Variants in CACNA1I observed in about 807,000 individuals in gnomAD.
The protein encoded by CACNA1I is voltage-dependent T-type calcium channel subunit alpha-1I.
Under a neutral mutation model 201.6 loss-of-function variants are expected in CACNA1I, and 74 were observed. That is an observed-to-expected ratio of 0.37 (90% confidence interval 0.30 to 0.45). CACNA1I has a LOEUF of 0.45. CACNA1I is among the 20% of genes least tolerant of loss of function. The pLI, the probability that CACNA1I is intolerant of heterozygous loss-of-function variation, is 1.00. For missense variants in CACNA1I, 2,346 were observed against 3,138.1 expected, an observed-to-expected ratio of 0.75 and a Z score of 6.03; for synonymous variants, 1,431 against 1,345.2, an observed-to-expected ratio of 1.06 and a Z score of -1.40.
At chr22:39,619,486 G>A (rs1390008075) in intron 4 of CACNA1I, 79 bp downstream of exon 4, 2 of 1,040,214 alleles carry the variant, frequency 1.9e-6, no homozygotes, top group Admixed American at 1.8e-5. Context: ...CCTAGCCAAT[G>A]CCCACCCCCC....
intron 3 of CACNA1I, among the ~76,000 whole-genome samples, chr22:39,613,718 C>T (rs531186499): frequency 3.7e-4 from 57 of 152,314 alleles, no homozygotes; most frequent in South Asian, 3.3e-3. Context: ...CAGAGGGTAA[C>T]GCTCCCGAGC....
rs1933686179 is a variant in CACNA1I, at chr22:39,620,047, C to CCATA, written c.580+643_580+644insACAT. On this transcript the variant is annotated intron_variant, in intron 4 of 36. Transcript: ENST00000402142. Reference sequence around the variant, plus strand: ...TCCATCCATCCATCCATCCATCCATCCATCCACCCACCCACCCATCCACCC... The same window carrying CCATA: ...TCCATCCATCCATCCATCCATCCATCCATACATCCACCCACCCACCCATCCACCC... Among the ~76,000 whole-genome samples the CCATA allele has an allele frequency of 2.1e-5, 3 of 143,328 alleles. No individual in the cohort carries two copies. The South Asian group carries it at 7.0e-4, about 34-fold the overall frequency. The allele number at this position is 143,328 out of a possible 152,430, so 94.0% of individuals were successfully genotyped here.
rs565033037 is a variant in CACNA1I at position 39,583,003 on chromosome 22, T to C, written c.236+12015T>C. On this transcript the variant is annotated intron_variant, in intron 1 of 36. Coordinates refer to ENST00000402142, the MANE Select transcript of CACNA1I (RefSeq NM_021096.4). Reference sequence around the variant, plus strand: ...CTCCATCCATCCACCCACCCATCCATCCATCTGTCTTTCCATCCAAGCACC... The same window carrying C: ...CTCCATCCATCCACCCACCCATCCACCCATCTGTCTTTCCATCCAAGCACC... Among the ~76,000 whole-genome samples, 4 of 149,868 alleles carry C rather than the reference T, an allele frequency of 2.7e-5. No homozygotes were observed. The East Asian group carries it at 7.9e-4, about 30-fold the overall frequency.
At chr22:39,636,258 T>G (rs1161393180) in intron 5 of CACNA1I, among the ~76,000 whole-genome samples, 1 of 152,220 alleles carries the variant, frequency 6.6e-6, no homozygotes, top group Non-Finnish European at 1.5e-5. Context: ...CAGCCCTGTC[T>G]CGGCTGCAAA....
chr22:39,684,527 C>T lies in CACNA1I; in HGVS notation c.6027+29C>T. The T allele has an allele frequency of 6.2e-7, 1 of 1,600,990 alleles. No homozygotes were observed. Among genetic ancestry groups the T allele is most frequent in the Non-Finnish European group, 8.5e-7 (1 of 1,172,940 alleles). On this transcript the variant is annotated intron_variant, in intron 36 of 36. Coordinates refer to ENST00000402142, the MANE Select transcript of CACNA1I (RefSeq NM_021096.4). The surrounding 1 kb of genome is among the most constrained non-coding windows in gnomAD (Gnocchi z 4.6). ...CCGACACCTCCCAGGCCCTAGAGCA[C>T]TGGTCTGTGGGCAAGGGGCAGGATC...
chr22:39,608,658 G>C (rs1933292398), intron 3 of CACNA1I, among the ~76,000 whole-genome samples: 1 of 147,246 alleles, frequency 6.8e-6, no homozygotes, highest in Non-Finnish European at 1.5e-5. Flanking sequence ...GGGCAACATG[G>C]TGAAACCACA....
At position 39,685,603 on chromosome 22, in the gene CACNA1I, G is replaced by A. The variant is rs1935837318; in HGVS notation, c.6028-158G>A. Reference sequence around the variant, plus strand: ...GGGCAGGTGAAGGCCCTGCGGTGACGCCGCCTAAGCTGGACGTGCGGAGGG... The same window carrying A: ...GGGCAGGTGAAGGCCCTGCGGTGACACCGCCTAAGCTGGACGTGCGGAGGG... On this transcript the variant is annotated intron_variant, in intron 36 of 36. Transcript: ENST00000402142. The surrounding 1 kb of genome is among the most constrained non-coding windows in gnomAD (Gnocchi z 5.0). Among the ~76,000 whole-genome samples the A allele has an allele frequency of 6.6e-6, 1 of 152,100 alleles. No homozygotes were observed.
rs762324561 is a variant in CACNA1I, at chr22:39,656,394, C to T, written c.1993-1758C>T. ...CTCTGCTCCCTGGCGCCAGCTCTCT[C>T]TTAGCTTTTAGGTCTCTGCTGAGAT... is the stretch of plus-strand genomic sequence containing the variant. On this transcript the variant is annotated intron_variant, in intron 10 of 36. Transcript: ENST00000402142. 9 of 518,882 alleles carry T rather than the reference C, an allele frequency of 1.7e-5. No homozygotes were observed. In the East Asian group the frequency reaches 4.9e-4, roughly 28 times the overall value. 32.1% of individuals were successfully genotyped at this position (518,882 alleles called of 1,614,324 possible). A position where few individuals can be genotyped will look rare whatever the true frequency, so the allele number is the denominator to read the frequency against.
chr22:39,628,062 A>G (rs1244153833), intron 4 of CACNA1I, among the ~76,000 whole-genome samples: 1 of 152,172 alleles, frequency 6.6e-6, no homozygotes, highest in Non-Finnish European at 1.5e-5. Flanking sequence ...GGGCAAAGGC[A>G]GTGCCTCCCT....
intron 3 of CACNA1I, among the ~76,000 whole-genome samples, chr22:39,611,916 T>G (rs1018843727): frequency 3.3e-5 from 5 of 152,268 alleles, no homozygotes; most frequent in African/African-American, 1.2e-4. Flanking sequence ...CTGAGTTGGT[T>G]TCAGAGCGTC....
rs533910904 is a variant in CACNA1I, at chr22:39,681,040, C to T, written c.5652C>T (p.Arg1884=). The change falls in exon 34 of 37, where the codon CGC becomes CGT. Residue 1884 remains arginine, a synonymous_variant. Coordinates refer to ENST00000402142, the MANE Select transcript of CACNA1I (RefSeq NM_021096.4). ...LEDPTACPPG[R]KDSKGELDPP... ...ACCCCACAGCCTGCCCACCTGGCCG[C>T]AAAGACAGCAAGGTCAGCTCCCCTG... 1.6e-5 allele frequency: 25 copies of T among 1,609,616 alleles called. No individual in the cohort carries two copies. The South Asian group carries it at 2.5e-4, about 16-fold the overall frequency.
intron 3 of CACNA1I, among the ~76,000 whole-genome samples, chr22:39,606,060 C>T (rs148285750): frequency 6.6e-6 from 1 of 152,262 alleles, no homozygotes; most frequent in Non-Finnish European, 1.5e-5. Context: ...TGAAATGTCC[C>T]CAGCCTTCCC....
intron 4 of CACNA1I, among the ~76,000 whole-genome samples, chr22:39,630,263 T>A (rs772531271): frequency 3.9e-5 from 6 of 152,244 alleles, no homozygotes; most frequent in Non-Finnish European, 2.9e-5. Flanking sequence ...TCTGTTTTGT[T>A]TTCATAGCAC....
At chr22:39,679,890 T>G (rs1395084269) in intron 33 of CACNA1I, 22 bp downstream of exon 33, 4 of 1,604,130 alleles carry the variant, frequency 2.5e-6, no homozygotes, top group Non-Finnish European at 3.4e-6. Context: ...CCGGGAGGCC[T>G]GGCCCCTTGT....
rs750263329 is a variant in CACNA1I at position 39,647,910 on chromosome 22, T to C, written c.1551T>C (p.Asn517=). 10 of 1,613,380 alleles carry C rather than the reference T, an allele frequency of 6.2e-6. No individual in the cohort carries two copies. In the East Asian group the frequency reaches 1.3e-4, roughly 22 times the overall value. Residue 517 remains asparagine (N), a synonymous_variant, in exon 9 of 37, where the codon AAT becomes AAC. Transcript: ENST00000402142. Reference sequence around the variant, plus strand: ...TGCATGGGCCTGCCTCCCCTGGAAATGATCACTCGGGAAGAGGCAAGCCAG... The same window carrying C: ...TGCATGGGCCTGCCTCCCCTGGAAACGATCACTCGGGAAGAGGCAAGCCAG... The part of the protein sequence containing the change: ...QTLHGPASPG[N]DHSGRELCPQ...
chr22:39,618,317 G>A (rs566241378), intron 3 of CACNA1I, among the ~76,000 whole-genome samples: 97 of 151,314 alleles, frequency 6.4e-4, no homozygotes, highest in African/African-American at 8.2e-4. Flanking sequence ...GATTATGTGC[G>A]TGTGTGTGAT....
At chr22:39,606,561 CTCTT>C (rs1569059177) in intron 3 of CACNA1I, among the ~76,000 whole-genome samples, 1 of 152,210 alleles carries the variant, frequency 6.6e-6, no homozygotes, top group Non-Finnish European at 1.5e-5. Context: ...GAGACAGGGT[CTCTT>C]TCTGTTGCCC....
intron 17 of CACNA1I, 51 bp from the exon 18 acceptor site, chr22:39,662,725 C>A: frequency 1.5e-6 from 2 of 1,338,618 alleles, no homozygotes; most frequent in Non-Finnish European, 1.0e-6. Flanking sequence ...GGGCGGAGAC[C>A]GGCAACCCTG....
intron 3 of CACNA1I, among the ~76,000 whole-genome samples, chr22:39,601,860 T>C: frequency 4.9e-5 from 2 of 41,090 alleles, no homozygotes; most frequent in Non-Finnish European, 1.1e-4. Context: ...CCTCCCTCCT[T>C]CCTTCCTTCC....
Sources: allele counts gnomAD v4.1 joint callset (sites outside exome capture counted in the v4.1 genomes callset), GRCh38; gene constraint gnomAD v4.1.1; non-coding constraint Gnocchi (gnomAD v3.1); transcripts MANE v1.5; gene names NCBI Gene and HGNC (gene_info 2026-07-23, HGNC 2026-07-21).